Variants in LRP1B observed in about 807,000 individuals in gnomAD.
The protein encoded by LRP1B is LDL receptor related protein 1B.
Under a neutral mutation model 556.6 loss-of-function variants are expected in LRP1B, and 217 were observed. The ratio of observed to expected loss-of-function variants is 0.39; its 90% CI spans 0.35 to 0.44. The LOEUF (loss-of-function observed/expected upper bound fraction) is 0.44. Among genes scored for constraint, LRP1B ranks in the 20% least tolerant of loss-of-function variants. The pLI is 1.00. For synonymous variants in LRP1B, 2,047 were observed against 1,865.8 expected (o/e 1.10, Z -2.50); for missense variants, 5,053 against 5,620.8 (o/e 0.90, Z 3.23).
chr2:142,019,458 T>C (rs1173417869), intron 1 of LRP1B, among the ~76,000 whole-genome samples: 1 of 152,176 alleles, frequency 6.6e-6, no homozygotes, highest in Non-Finnish European at 1.5e-5. Context: ...AACTGACCAC[T>C]TCTTATCACC....
chr2:140,965,469 A>T (rs1364138854), intron 18 of LRP1B, among the ~76,000 whole-genome samples: 2 of 152,208 alleles, frequency 1.3e-5, no homozygotes, highest in East Asian at 3.9e-4. Context: ...CATTATAGAT[A>T]TATTGGTGAG....
At chr2:140,788,609 A>T (rs191529434) in intron 32 of LRP1B, among the ~76,000 whole-genome samples, 1 of 152,318 alleles carries the variant, frequency 6.6e-6, no homozygotes, top group Non-Finnish European at 1.5e-5. Flanking sequence ...TAAGAATGTT[A>T]AAAAAATTAA....
intron 28 of LRP1B, among the ~76,000 whole-genome samples, 192 bp from the exon 29 acceptor site, chr2:140,850,521 A>C: frequency 6.6e-6 from 1 of 152,294 alleles, no homozygotes; most frequent in African/African-American, 2.4e-5. Context: ...GAAATGAGTT[A>C]GAAGCCTTAC....
At chr2:141,717,462 A>G (rs1227105664) in intron 2 of LRP1B, among the ~76,000 whole-genome samples, 1 of 152,184 alleles carries the variant, frequency 6.6e-6, no homozygotes, top group Non-Finnish European at 1.5e-5. Context: ...ATCAGGTGCC[A>G]CACTTAGTGG....
intron 6 of LRP1B, among the ~76,000 whole-genome samples, chr2:141,194,163 C>T (rs758079419): frequency 6.6e-6 from 1 of 152,102 alleles, no homozygotes; most frequent in Non-Finnish European, 1.5e-5. Context: ...TACTTTGAAA[C>T]AGTTTTGCCA....
chr2:141,885,895 G>A (rs955056584), intron 1 of LRP1B, among the ~76,000 whole-genome samples: 3 of 152,140 alleles, frequency 2.0e-5, no homozygotes, highest in Admixed American at 2.0e-4. Flanking sequence ...GAAGAGTAAC[G>A]GTTGCAAGAA....
intron 21 of LRP1B, among the ~76,000 whole-genome samples, chr2:140,908,677 T>A (rs1349265772): frequency 6.6e-6 from 1 of 152,002 alleles, no homozygotes; most frequent in Non-Finnish European, 1.5e-5. Context: ...GCGACTAACA[T>A]GTATAGACGG....
intron 1 of LRP1B, among the ~76,000 whole-genome samples, chr2:141,893,813 A>G (rs961009637): frequency 8.5e-5 from 13 of 152,218 alleles, no homozygotes; most frequent in African/African-American, 2.9e-4. Flanking sequence ...ATAAGTACCA[A>G]TGAAAATAAA....
chr2:140,631,408 T>C (rs1184576135), intron 41 of LRP1B, among the ~76,000 whole-genome samples: 1 of 152,104 alleles, frequency 6.6e-6, no homozygotes, highest in Non-Finnish European at 1.5e-5. Flanking sequence ...AAGTCTCTAA[T>C]GAAAAAAGTA....
chr2:140,648,043 T>C (rs547420068), intron 41 of LRP1B, among the ~76,000 whole-genome samples: 9 of 152,182 alleles, frequency 5.9e-5, no homozygotes, highest in Non-Finnish European at 1.3e-4. Context: ...CCAACCCAAA[T>C]GTCCATCAGT....
At position 140,701,824 on chromosome 2, in the gene LRP1B, G is replaced by A. The variant is rs2105426470; in HGVS notation, c.6324C>T (p.Val2108=). 2.5e-6 allele frequency: 4 copies of A among 1,613,088 alleles called. No individual in the cohort carries two copies. The highest frequency in any genetic ancestry group is 3.4e-6 in the Non-Finnish European group (4 of 1,179,394). The part of the protein sequence containing the change: ...WSDRAHANGS[V]RRGHKNDATE... ...TGGCATCATTCTTGTGGCCCCTTCTGACAGACCCGTTTGCATGTGCTCTGC... is the reference window on the plus strand; with the variant it reads ...TGGCATCATTCTTGTGGCCCCTTCTAACAGACCCGTTTGCATGTGCTCTGC... Residue 2108 remains valine (V), a synonymous_variant, in exon 40 of 91, where the codon GTC becomes GTT. Coordinates refer to ENST00000389484, the MANE Select transcript of LRP1B (RefSeq NM_018557.3).
At chr2:140,971,420 G>C (rs1281760989) in intron 18 of LRP1B, among the ~76,000 whole-genome samples, 1 of 152,172 alleles carries the variant, frequency 6.6e-6, no homozygotes, top group Middle Eastern at 3.2e-3. Flanking sequence ...CCAGAACTGT[G>C]CAAGAATAAA....
chr2:140,592,078 T>C (rs1181973310), intron 43 of LRP1B, among the ~76,000 whole-genome samples: 1 of 152,214 alleles, frequency 6.6e-6, no homozygotes, highest in Non-Finnish European at 1.5e-5. Flanking sequence ...TAGTGTGTAC[T>C]GGGACATGTA....
At chr2:141,430,313 A>C (rs759284148) in intron 3 of LRP1B, among the ~76,000 whole-genome samples, 2 of 152,202 alleles carry the variant, frequency 1.3e-5, no homozygotes, top group Non-Finnish European at 2.9e-5. Context: ...TTTTTAATTA[A>C]TGTTCAATAT....
chr2:141,484,151 T>G (rs74684083), intron 2 of LRP1B, among the ~76,000 whole-genome samples: 131,790 of 146,832 alleles, frequency 0.9, 59,944 homozygotes, highest in East Asian at 1. Context: ...AAGGTGTAAG[T>G]AAGGGATCCA....
intron 34 of LRP1B, 145 bp from the exon 35 acceptor site, chr2:140,769,489 A>T (rs1689230856): frequency 1.3e-6 from 1 of 761,680 alleles, no homozygotes; most frequent in Non-Finnish European, 1.9e-6. Context: ...ATTATTGTGT[A>T]CTACACTTCC....
intron 32 of LRP1B, among the ~76,000 whole-genome samples, chr2:140,788,128 C>T (rs1689973224): frequency 6.6e-6 from 1 of 152,052 alleles, no homozygotes; most frequent in Admixed American, 6.6e-5. Flanking sequence ...AACATTCCAC[C>T]ATATTAATTT....
intron 3 of LRP1B, among the ~76,000 whole-genome samples, chr2:141,339,892 C>T (rs1344142821): frequency 2.6e-5 from 4 of 152,032 alleles, no homozygotes; most frequent in African/African-American, 7.2e-5. Flanking sequence ...GATCAGTGAA[C>T]ATTGTGCCAA....
At chr2:140,289,090 T>C (rs1444913617) in intron 84 of LRP1B, among the ~76,000 whole-genome samples, 2 of 151,956 alleles carry the variant, frequency 1.3e-5, no homozygotes, top group African/African-American at 4.8e-5. Flanking sequence ...TTTTATTCAG[T>C]AGTGCTCACC....
Sources: gnomAD v4.1 joint callset for allele counts (sites outside exome capture counted in the v4.1 genomes callset) on GRCh38, gnomAD v4.1.1 for gene constraint, MANE v1.5 for transcripts, NCBI Gene and HGNC (gene_info 2026-07-23, HGNC 2026-07-21) for gene names.